The following RFC3 variants were observed in gnomAD, a reference collection of about 807,000 sequenced individuals.
The protein encoded by RFC3 is A1 38 kDa subunit.
A neutral mutation model predicts 45.1 loss-of-function variants in RFC3; 41 were observed. That is an observed-to-expected ratio of 0.91 (90% CI 0.71 to 1.18). The LOEUF is 1.18. Among genes scored for constraint, RFC3 ranks in the 50% most tolerant of loss-of-function variants. The pLI is 0.00. For missense variants in RFC3, 423 were observed against 428.1 expected (o/e 0.99, Z 0.10); for synonymous variants, 149 against 144.0 (o/e 1.03, Z -0.25).
chr13:33,829,708 C>T lies in RFC3; in HGVS notation c.392-128C>T, dbSNP rs2082083316. On this transcript the variant is annotated intron_variant, in intron 4 of 8. Transcript: ENST00000380071. ...ACCATACTTATAACTTTATCTTTGC[C>T]AATGGGAAGAGTAGTATATCAGGCT... 7.0e-6 allele frequency: 5 copies of T among 716,848 alleles called. No individual in the cohort carries two copies. The Admixed American group carries it at 1.0e-4, about 15-fold the overall frequency. 44.4% of individuals were successfully genotyped at this position (716,848 alleles called of 1,614,324 possible).
intron 8 of RFC3, among the ~76,000 whole-genome samples, chr13:33,921,764 C>T (rs2082770326): frequency 6.6e-6 from 1 of 152,100 alleles, no homozygotes; most frequent in Non-Finnish European, 1.5e-5. Flanking sequence ...ATTTGCTTAT[C>T]TCTTCCTCCA....
chr13:33,924,537 G>C (rs992516696), intron 8 of RFC3, among the ~76,000 whole-genome samples: 1 of 151,526 alleles, frequency 6.6e-6, no homozygotes, highest in Non-Finnish European at 1.5e-5. Context: ...AACATTTACT[G>C]TTTGGCCCTA....
chr13:33,845,849 A>G (rs767992463), intron 8 of RFC3, among the ~76,000 whole-genome samples: 1 of 152,194 alleles, frequency 6.6e-6, no homozygotes, highest in Admixed American at 6.5e-5. Flanking sequence ...TCATAGATGT[A>G]TGGACATTGA....
chr13:33,820,188 C>T (rs992386477), intron 1 of RFC3, among the ~76,000 whole-genome samples: 3 of 152,260 alleles, frequency 2.0e-5, no homozygotes, highest in East Asian at 1.9e-4. Flanking sequence ...CAGAAACACC[C>T]GAAAAGCTTT....
intron 8 of RFC3, among the ~76,000 whole-genome samples, chr13:33,862,234 A>G (rs1476323733): frequency 1.3e-5 from 2 of 148,606 alleles, no homozygotes; most frequent in African/African-American, 4.9e-5. Context: ...AGGTCTGGTA[A>G]TTAAATCCAA....
chr13:33,819,453 A>C (rs1190131414), intron 1 of RFC3, among the ~76,000 whole-genome samples: 1 of 152,214 alleles, frequency 6.6e-6, no homozygotes, highest in Non-Finnish European at 1.5e-5. Flanking sequence ...GACCTTTCTT[A>C]GATTTACAGA....
the RFC3 span, among the ~76,000 whole-genome samples, chr13:33,975,196 C>G: frequency 1.3e-5 from 2 of 152,164 alleles, no homozygotes; most frequent in Non-Finnish European, 2.9e-5. Context: ...ATAGTGGAAA[C>G]TATTCAAGAA....
intron 8 of RFC3, among the ~76,000 whole-genome samples, chr13:33,929,175 A>G (rs1418510126): frequency 1.3e-5 from 2 of 152,150 alleles, no homozygotes; most frequent in African/African-American, 2.4e-5. Context: ...TCTGACAGAC[A>G]TTCCCAGTCA....
chr13:33,948,748 T>G (rs2082970199), intron 8 of RFC3, among the ~76,000 whole-genome samples: 1 of 152,208 alleles, frequency 6.6e-6, no homozygotes, highest in African/African-American at 2.4e-5. Flanking sequence ...TTTTGAAACT[T>G]TAAGGTTTAA....
chr13:33,916,042 A>C (rs1293216560), intron 8 of RFC3, among the ~76,000 whole-genome samples: 2 of 152,074 alleles, frequency 1.3e-5, no homozygotes, highest in Non-Finnish European at 2.9e-5. Flanking sequence ...CAGGTGATCC[A>C]CCAGCCTCAG....
intron 8 of RFC3, among the ~76,000 whole-genome samples, chr13:33,925,059 A>ACATATATAGTGTACTATATACACG (rs1419412160): frequency 1.6e-4 from 23 of 145,406 alleles, no homozygotes; most frequent in Admixed American, 3.4e-4. Context: ...ATATATATAC[A>ACATATATAGTGTACTATATACACG]CATATATAGT....
At chr13:33,956,099 C>G (rs879327491) in intron 8 of RFC3, among the ~76,000 whole-genome samples, 1 of 152,174 alleles carries the variant, frequency 6.6e-6, no homozygotes, top group South Asian at 2.1e-4. Flanking sequence ...TAAATAAATG[C>G]AGACCTCTCT....
chr13:33,831,579 T>G (rs2082105145), intron 7 of RFC3, among the ~76,000 whole-genome samples: 1 of 152,260 alleles, frequency 6.6e-6, no homozygotes, highest in Admixed American at 6.5e-5. Context: ...GGCTTACATG[T>G]GATCATGTAA....
At chr13:33,834,303 TA>T (rs535928315) in intron 7 of RFC3, among the ~76,000 whole-genome samples, 21 of 16,978 alleles carry the variant, frequency 1.2e-3, no homozygotes, top group African/African-American at 2.0e-3. Flanking sequence ...TGTGTGTATA[TA>T]TATATATATA....
chr13:33,830,177 A>G (rs1453509468), intron 5 of RFC3, among the ~76,000 whole-genome samples, 160 bp downstream of exon 5: 1 of 152,212 alleles, frequency 6.6e-6, no homozygotes, highest in South Asian at 2.1e-4. Flanking sequence ...TATAGTTGTA[A>G]ATACCAGATG....
At position 33,828,244 on chromosome 13, in the gene RFC3, C is replaced by A. The variant is rs3135587; in HGVS notation, c.392-1592C>A. Among the ~76,000 whole-genome samples the A allele has an allele frequency of 8.8e-3, 1,341 of 152,240 alleles. 18 individuals carry two copies. The highest frequency in any genetic ancestry group is 0.03 in the African/African-American group (1,252 of 41,554). ...TCTGTCACCTTTATTGGGATTCTTT[C>A]CTTTGTCTCTCTTTTACCTGTTCTC... On this transcript the variant is annotated intron_variant, in intron 4 of 8. Coordinates refer to ENST00000380071, the MANE Select transcript of RFC3 (RefSeq NM_002915.4).
chr13:33,947,471 A>C (rs1347510690), intron 8 of RFC3, among the ~76,000 whole-genome samples: 1 of 151,564 alleles, frequency 6.6e-6, no homozygotes, highest in Non-Finnish European at 1.5e-5. Flanking sequence ...GGACTAATAC[A>C]GTAAATTGGT....
chr13:33,935,427 A>G (rs2137784438), intron 8 of RFC3, among the ~76,000 whole-genome samples: 1 of 152,312 alleles, frequency 6.6e-6, no homozygotes, highest in South Asian at 2.1e-4. Context: ...ATGAAATTAA[A>G]TAGCTGCTGA....
At position 33,880,108 on chromosome 13, in the gene RFC3, C is replaced by A. The variant is rs564556414; in HGVS notation, c.879+44891C>A. Among the ~76,000 whole-genome samples the A allele has an allele frequency of 5.3e-5, 8 of 152,306 alleles. No individual in the cohort carries two copies. In the East Asian group the frequency reaches 1.5e-3, roughly 29 times the overall value. On this transcript the variant is annotated intron_variant, in intron 8 of 8. Coordinates refer to the RFC3 transcript ENST00000434425. Reference sequence around the variant, plus strand: ...CTTGATTCCGTCTGCTGCCTCAATTCCCCTTTATCGTGTAATATAAAACCT... The same window carrying A: ...CTTGATTCCGTCTGCTGCCTCAATTACCCTTTATCGTGTAATATAAAACCT...
Sources: gnomAD v4.1 joint callset for allele counts (sites outside exome capture counted in the v4.1 genomes callset) on GRCh38, gnomAD v4.1.1 for gene constraint, MANE v1.5 for transcripts, NCBI Gene and HGNC (gene_info 2026-07-23, HGNC 2026-07-21) for gene names.